Variants in DNAH11 observed in about 807,000 individuals in gnomAD.
DNAH11 encodes axonemal beta dynein heavy chain 11.
A neutral mutation model predicts 526.0 loss-of-function variants in DNAH11; 442 were observed. The observed-to-expected ratio is 0.84, with a 90% CI of 0.78 to 0.91. The LOEUF (loss-of-function observed/expected upper bound fraction) is 0.91. Ranked by LOEUF, DNAH11 falls within the 40% of genes least tolerant of loss-of-function variation. The probability of loss-of-function intolerance (pLI) is 0.00; values close to 1 mark genes in which losing one functional copy is unlikely to be tolerated. For missense variants in DNAH11, 6,989 were observed against 5,448.7 expected, an observed-to-expected ratio of 1.28 and a Z score of -8.90; for synonymous variants, 2,461 against 1,935.9, an observed-to-expected ratio of 1.27 and a Z score of -7.12.
In DNAH11 at chr7:21,880,901, C is replaced by T. The variant is rs763926047; in HGVS notation, c.12387+8C>T. 6.3e-7 allele frequency: 1 copy of T among 1,588,760 alleles called. No homozygotes were observed. The highest frequency in any genetic ancestry group is 8.5e-7 in the Non-Finnish European group (1 of 1,172,602). ...TTAGAGGCAAACTCTAAAGTAAGTG[C>T]TAGTGGTCAAATAACCTCTTCCAAG... On this transcript the variant is annotated splice_region_variant and intron_variant, in intron 75 of 81. Transcript: ENST00000409508.
In DNAH11 at chr7:21,585,935, C is replaced by T. The variant is rs577929536; in HGVS notation, c.1711-2129C>T. On this transcript the variant is annotated intron_variant, in intron 9 of 81. Coordinates refer to ENST00000409508, the MANE Select transcript of DNAH11 (RefSeq NM_001277115.2). The stretch of plus-strand genomic sequence containing the variant: ...GTCTTGAAGTCAATGTGAAAGAAAA[C>T]ATCTCTACTCTTCATAAAATAGCTT... 3.9e-5 allele frequency among the ~76,000 whole-genome samples: 6 copies of T among 152,294 alleles called. 1 individual carries two copies. In the East Asian group the frequency reaches 9.6e-4, roughly 24 times the overall value.
At chr7:21,878,391 G>T (rs901920971) in intron 74 of DNAH11, among the ~76,000 whole-genome samples, 1 of 152,114 alleles carries the variant, frequency 6.6e-6, no homozygotes, top group African/African-American at 2.4e-5. Context: ...ATTCAGAAAG[G>T]TATTAAGTGA....
At chr7:21,558,089 C>G (rs1308953449) in intron 2 of DNAH11, among the ~76,000 whole-genome samples, 1 of 152,034 alleles carries the variant, frequency 6.6e-6, no homozygotes, top group African/African-American at 2.4e-5. Flanking sequence ...TTGGCTAATT[C>G]AAGTTTTATA....
intron 34 of DNAH11, among the ~76,000 whole-genome samples, chr7:21,689,275 T>TA (rs2128474528): frequency 6.6e-6 from 1 of 152,370 alleles, no homozygotes; most frequent in African/African-American, 2.4e-5. Context: ...CATCCTTTCT[T>TA]ATGGAGATTT....
At chr7:21,708,790 G>A (rs1437812979) in intron 40 of DNAH11, among the ~76,000 whole-genome samples, 1 of 152,140 alleles carries the variant, frequency 6.6e-6, no homozygotes, top group Non-Finnish European at 1.5e-5. Flanking sequence ...CGCATGACTT[G>A]CTCCCTTATC....
chr7:21,890,760 T>C (rs1784299535), intron 76 of DNAH11, among the ~76,000 whole-genome samples: 1 of 152,166 alleles, frequency 6.6e-6, no homozygotes, highest in Non-Finnish European at 1.5e-5. Flanking sequence ...TATTCTTATA[T>C]ATAAACATGA....
At chr7:21,854,789 CTCCTTGGCCTCCCA>C (rs1016877744) in intron 68 of DNAH11, among the ~76,000 whole-genome samples, 2 of 152,120 alleles carry the variant, frequency 1.3e-5, no homozygotes, top group African/African-American at 4.8e-5. Context: ...ATGATCTCCC[CTCCTTGGCCTCCCA>C]GAGTGCTGAG....
At position 21,707,722 on chromosome 7, in the gene DNAH11, A is replaced by T. The variant is rs758187771; in HGVS notation, c.6570A>T (p.Thr2190=). 6.2e-7 allele frequency: 1 copy of T among 1,613,484 alleles called. No individual in the cohort carries two copies. Among genetic ancestry groups the T allele is most frequent in the Admixed American group, 1.7e-5 (1 of 59,928 alleles). ...KSKILRTLNR[T]YVNMKQKPVW... is the part of the protein sequence containing the mutation. ...AGATTTTGAGAACACTGAACCGAAC[A>T]TATGTTAACATGAAACAGAAGCCGG... The change falls in exon 40 of 82, where the codon ACA becomes ACT. Residue 2190 remains threonine, a synonymous_variant. Transcript: ENST00000409508.
chr7:21,571,695 T>A, intron 7 of DNAH11, 111 bp from the exon 8 acceptor site: 1 of 686,808 alleles, frequency 1.5e-6, no homozygotes, highest in Non-Finnish European at 2.2e-6. Flanking sequence ...TCTGTCATTT[T>A]CTGTCATTGA....
intron 76 of DNAH11, among the ~76,000 whole-genome samples, chr7:21,885,533 G>A (rs574488372): frequency 7.9e-5 from 12 of 152,128 alleles, no homozygotes; most frequent in East Asian, 1.9e-4. Flanking sequence ...GTAAGTTCTC[G>A]TGTCCTATTG....
chr7:21,897,930 C>G (rs1470596071), intron 79 of DNAH11, among the ~76,000 whole-genome samples: 1 of 152,144 alleles, frequency 6.6e-6, no homozygotes, highest in African/African-American at 2.4e-5. Flanking sequence ...TTTCAGCTTT[C>G]ATTTTATTGC....
chr7:21,801,163 C>T lies in DNAH11; in HGVS notation c.10053C>T (p.Leu3351=), dbSNP rs766238014. Residue 3351 remains leucine (L), a synonymous_variant, in exon 62 of 82, where the codon CTC becomes CTT. Coordinates refer to ENST00000409508, the MANE Select transcript of DNAH11 (RefSeq NM_001277115.2). ...LVDLDRNLSR[L]TASFEKATAE... ...ATCTGGATCGAAATCTGAGCAGACT[C>T]ACGGCTTCATTTGAAAAAGCAACAG... The T allele has an allele frequency of 6.2e-7, 1 of 1,610,964 alleles. No individual in the cohort carries two copies. The highest frequency in any genetic ancestry group is 8.5e-7 in the Non-Finnish European group (1 of 1,178,498).
chr7:21,708,069 C>T (rs1427696104), intron 40 of DNAH11, among the ~76,000 whole-genome samples: 1 of 152,174 alleles, frequency 6.6e-6, no homozygotes, highest in Non-Finnish European at 1.5e-5. Context: ...TATCCCACGT[C>T]AATTATGTCA....
At chr7:21,758,226 A>G (rs1217414736) in intron 54 of DNAH11, among the ~76,000 whole-genome samples, 1 of 152,074 alleles carries the variant, frequency 6.6e-6, no homozygotes, top group East Asian at 1.9e-4. Context: ...TCTGTCCTCC[A>G]TTTTCTGTTA....
intron 65 of DNAH11, among the ~76,000 whole-genome samples, chr7:21,837,008 T>C (rs1782021000): frequency 6.6e-6 from 1 of 152,110 alleles, no homozygotes; most frequent in African/African-American, 2.4e-5. Context: ...ACATCACTAA[T>C]TATCAGGGAA....
chr7:21,869,081 C>T (rs192615862), intron 73 of DNAH11, 90 bp downstream of exon 73: 1 of 1,554,198 alleles, frequency 6.4e-7, no homozygotes. Context: ...GCTCCCTTAA[C>T]ACCGCTGTGC....
intron 4 of DNAH11, 30 bp downstream of exon 4, chr7:21,559,822 T>C (rs375029778): frequency 7.1e-6 from 11 of 1,540,652 alleles, no homozygotes; most frequent in African/African-American, 1.4e-5. Context: ...AATTATAAAT[T>C]AAATTAGCAA....
intron 28 of DNAH11, among the ~76,000 whole-genome samples, chr7:21,653,937 G>A (rs1391884084): frequency 2.6e-5 from 4 of 152,144 alleles, no homozygotes; most frequent in Non-Finnish European, 5.9e-5. Flanking sequence ...GGTTGCTATT[G>A]TTTCTAGAAG....
At chr7:21,569,889 A>G (rs76578215) in intron 6 of DNAH11, among the ~76,000 whole-genome samples, 180 bp from the exon 7 acceptor site, 6,299 of 152,294 alleles carry the variant, frequency 0.041, 140 homozygotes, top group South Asian at 0.063. Flanking sequence ...TCTAACTTAT[A>G]CAAGTATGTC....
Sources: gnomAD v4.1 joint callset for allele counts (sites outside exome capture counted in the v4.1 genomes callset) on GRCh38, gnomAD v4.1.1 for gene constraint, MANE v1.5 for transcripts, NCBI Gene and HGNC (gene_info 2026-07-23, HGNC 2026-07-21) for gene names.